The following HUWE1 variants were observed in gnomAD, a reference collection of about 807,000 sequenced individuals.
HUWE1 encodes HECT, UBA and WWE domain containing E3 ubiquitin protein ligase 1.
Under a neutral mutation model 299.4 loss-of-function variants are expected in HUWE1, and 18 were observed. The ratio of observed to expected loss-of-function variants is 0.06; its 90% CI spans 0.04 to 0.09. The LOEUF is 0.09. Ranked by LOEUF, HUWE1 falls within the 10% of genes least tolerant of loss-of-function variation. The pLI, the probability that HUWE1 is intolerant of heterozygous loss-of-function variation, is 1.00. For missense variants in HUWE1, 1,832 were observed against 3,462.3 expected (o/e 0.53, Z 11.82); for synonymous variants, 1,317 against 1,286.1 (o/e 1.02, Z -0.51).
At chrX:53,553,273 G>C (rs1556931058) in intron 61 of HUWE1, among the ~76,000 whole-genome samples, 1 of 109,128 alleles carries the variant, frequency 9.2e-6, no homozygotes, top group Non-Finnish European at 1.9e-5. Context: ...CTCCTGAGGA[G>C]CTGGGATTAC....
chrX:53,585,448 G>A (rs1040974116), intron 39 of HUWE1, among the ~76,000 whole-genome samples: 26 of 111,767 alleles, frequency 2.3e-4, no homozygotes, highest in African/African-American at 7.8e-4. Flanking sequence ...TGGGAGGTGG[G>A]GCCTAATAAA....
At chrX:53,554,228 T>G (rs1368422037) in intron 61 of HUWE1, among the ~76,000 whole-genome samples, 1 of 109,617 alleles carries the variant, frequency 9.1e-6, no homozygotes, top group Admixed American at 9.8e-5. Context: ...TTTTGGAGAG[T>G]TTTTTTTTCC....
intron 6 of HUWE1, among the ~76,000 whole-genome samples, chrX:53,646,527 T>C (rs2068062755): frequency 2.7e-5 from 3 of 111,744 alleles, no homozygotes; most frequent in African/African-American, 9.8e-5. Context: ...TTAAAATCAG[T>C]ATGTAATATA....
At chrX:53,594,686 T>C (rs907586703) in intron 30 of HUWE1, 65 bp from the exon 31 acceptor site, 7 of 1,131,951 alleles carry the variant, frequency 6.2e-6, no homozygotes, top group African/African-American at 3.6e-5. Flanking sequence ...CAATAGGAAA[T>C]TCATGTAAAA....
chrX:53,616,415 TGA>T (rs1294009965), intron 21 of HUWE1, among the ~76,000 whole-genome samples: 3 of 111,448 alleles, frequency 2.7e-5, no homozygotes, highest in Non-Finnish European at 3.8e-5. Context: ...TATTACAGAG[TGA>T]GAGAGAAGAA....
chrX:53,681,295 A>C (rs1306937448), intron 2 of HUWE1, among the ~76,000 whole-genome samples: 1 of 109,319 alleles, frequency 9.1e-6, no homozygotes, highest in Non-Finnish European at 1.9e-5. Flanking sequence ...TTAGCTGGGC[A>C]TGGTGGCGCG....
At chrX:53,654,027 A>C in intron 4 of HUWE1, 36 bp downstream of exon 4, 1 of 1,047,389 alleles carries the variant, frequency 9.5e-7, no homozygotes, top group East Asian at 3.1e-5. Context: ...TTTTTAATGA[A>C]GAAAAAATAA....
At chrX:53,535,553 AT>A in intron 80 of HUWE1, 52 bp from the exon 81 acceptor site, 1 of 812,794 alleles carries the variant, frequency 1.2e-6, no homozygotes, top group Non-Finnish European at 1.9e-6. Flanking sequence ...CTAGGATGGG[AT>A]TAGATACCTA....
At chrX:53,631,818 A>G in intron 9 of HUWE1, 1 of 432,451 alleles carries the variant, frequency 2.3e-6, no homozygotes, top group Non-Finnish European at 4.0e-6. Flanking sequence ...AAGCTCCTTT[A>G]AAACCAGTAG....
At position 53,569,773 on chromosome X, in the gene HUWE1, C is replaced by T; in HGVS notation, c.6367G>A (p.Ala2123Thr). Residue 2123 changes from alanine (A) to threonine (T), a missense_variant, in exon 48 of 84, where the codon GCA (alanine) becomes ACA (threonine). Physicochemically the swap from Ala to Thr is moderately conservative, Grantham distance 58. This residue lies in a region of HUWE1 where 157 missense variants were observed against 252.3 expected (regional missense o/e 0.62). Coordinates refer to ENST00000262854, the MANE Select transcript of HUWE1 (RefSeq NM_031407.7). ...LDHLLPHTQN[A>T]EDKDTPALAR... ...AAGGCAGGGGTGTCCTTGTCTTCTGCATTCTGGGTATGTGGGAGCAGGTGG... is the reference window on the plus strand; with the variant it reads ...AAGGCAGGGGTGTCCTTGTCTTCTGTATTCTGGGTATGTGGGAGCAGGTGG... The T allele has an allele frequency of 8.2e-7, 1 of 1,212,265 alleles. No individual in the cohort carries two copies. Among genetic ancestry groups the T allele is most frequent in the Non-Finnish European group, 1.1e-6 (1 of 895,597 alleles).
At chrX:53,647,618 C>T (rs781984104) in intron 5 of HUWE1, 44 bp from the exon 6 acceptor site, 11 of 978,634 alleles carry the variant, frequency 1.1e-5, no homozygotes, top group South Asian at 7.7e-5. Flanking sequence ...AAGGTAGAAG[C>T]GCCGCATGGG....
intron 30 of HUWE1, 86 bp from the exon 31 acceptor site, chrX:53,594,707 A>C (rs1252762887): frequency 2.1e-6 from 2 of 952,131 alleles, no homozygotes; most frequent in East Asian, 6.5e-5. Flanking sequence ...GGCAAGAGTA[A>C]AATTTACACA....
At position 53,616,955 on chromosome X, in the gene HUWE1, A is replaced by G; in HGVS notation, c.1957+15T>C. 8.4e-7 allele frequency: 1 copy of G among 1,190,235 alleles called. No homozygotes were observed. On this transcript the variant is annotated intron_variant, in intron 21 of 83. Coordinates refer to ENST00000262854, the MANE Select transcript of HUWE1 (RefSeq NM_031407.7). Reference sequence around the variant, plus strand: ...AAATCAATTTTCTACTATAAAATAAATCTTAACAACTTACCAAGGGGATCA... The same window carrying G: ...AAATCAATTTTCTACTATAAAATAAGTCTTAACAACTTACCAAGGGGATCA...
intron 29 of HUWE1, among the ~76,000 whole-genome samples, chrX:53,596,408 T>A (rs2064473707): frequency 8.9e-6 from 1 of 112,569 alleles, no homozygotes; most frequent in Non-Finnish European, 1.9e-5. Context: ...ATTTTATCAT[T>A]TACTACCATA....
intron 29 of HUWE1, among the ~76,000 whole-genome samples, chrX:53,598,018 A>G (rs150181329): frequency 0.011 from 1,219 of 111,815 alleles, 27 homozygotes; most frequent in African/African-American, 0.038. Context: ...TTGTGGATAT[A>G]GCAAAAAAAA....
At chrX:53,594,096 C>CA (rs1210312169) in intron 31 of HUWE1, among the ~76,000 whole-genome samples, 109 of 108,372 alleles carry the variant, frequency 1.0e-3, no homozygotes, top group Admixed American at 3.3e-3. Context: ...GACTCCATCT[C>CA]AAAAAAAACA....
chrX:53,541,690 C>T (rs2061351901), intron 74 of HUWE1, among the ~76,000 whole-genome samples: 4 of 111,477 alleles, frequency 3.6e-5, no homozygotes, highest in Admixed American at 1.9e-4. Flanking sequence ...CATAGTGAGA[C>T]TCCATTTCTA....
intron 2 of HUWE1, among the ~76,000 whole-genome samples, chrX:53,685,485 A>T (rs782010842): frequency 2.2e-3 from 246 of 112,309 alleles, no homozygotes; most frequent in African/African-American, 7.7e-3. Flanking sequence ...GTTTTTTATT[A>T]TTAAAATTTC....
chrX:53,661,159 C>T (rs189850136), intron 3 of HUWE1, among the ~76,000 whole-genome samples: 18 of 109,020 alleles, frequency 1.7e-4, no homozygotes, highest in African/African-American at 4.7e-4. Flanking sequence ...CTCAGCCTCC[C>T]GAGTAGCTGG....
Sources: gnomAD v4.1 joint callset for allele counts (sites outside exome capture counted in the v4.1 genomes callset) on GRCh38, gnomAD v4.1.1 for gene constraint, gnomAD v4.1.1 regional missense constraint, MANE v1.5 for transcripts, NCBI Gene and HGNC (gene_info 2026-07-23, HGNC 2026-07-21) for gene names.